The following NKD2 variants were observed in gnomAD, a reference collection of about 807,000 sequenced individuals.
NKD2 encodes the protein protein naked cuticle homolog 2.
NKD2 carries 43 observed loss-of-function variants against 34.8 expected under a neutral mutation model. The ratio of observed to expected loss-of-function variants is 1.24; its 90% CI spans 0.97 to 1.60. The LOEUF (loss-of-function observed/expected upper bound fraction) is 1.60. Ranked by LOEUF, NKD2 falls within the 40% of genes most tolerant of loss-of-function variation. NKD2 has a pLI of 0.00. For missense variants in NKD2, 675 were observed against 627.1 expected, an observed-to-expected ratio of 1.08 and a Z score of -0.82; for synonymous variants, 278 against 265.1, an observed-to-expected ratio of 1.05 and a Z score of -0.47.
In NKD2 at chr5:1,038,046, G is replaced by A; in HGVS notation, c.1029G>A (p.Val343=). ...SPKGSGKPPG[V]PASSKSGKAF... is the part of the protein sequence containing the mutation. ...AGGGCTCCGGGAAGCCGCCTGGGGT[G>A]CCAGCCAGCAGCAAGTCCGGGAAAG... The change falls in exon 10 of 10, where the codon GTG becomes GTA. Residue 343 remains valine (V), a synonymous_variant. Coordinates refer to ENST00000296849, the MANE Select transcript of NKD2 (RefSeq NM_033120.4). The surrounding 1 kb of genome is among the most constrained non-coding windows in gnomAD (Gnocchi z 4.5). The A allele has an allele frequency of 1.9e-6, 3 of 1,609,334 alleles. No homozygotes were observed. Among genetic ancestry groups the A allele is most frequent in the South Asian group, 1.1e-5 (1 of 90,922 alleles).
In NKD2 at chr5:1,034,165, T is replaced by C. The variant is rs368627687; in HGVS notation, c.331-70T>C. The C allele has an allele frequency of 5.5e-5, 62 of 1,127,596 alleles. No homozygotes were observed. The African/African-American group carries it at 8.2e-4, about 15-fold the overall frequency. 69.8% of individuals were successfully genotyped at this position (1,127,596 alleles called of 1,614,324 possible). A position where few individuals can be genotyped will look rare whatever the true frequency, so the allele number is the denominator to read the frequency against. On this transcript the variant is annotated intron_variant, in intron 5 of 9. Transcript: ENST00000296849. ...CCCTGGGAAAGGCCCCAGAAGATCC[T>C]TCCCCCTGTGGAGTTGGGCGTGTTG...
At chr5:1,033,245 C>A in intron 4 of NKD2, 127 bp from the exon 5 acceptor site, 1 of 926,598 alleles carries the variant, frequency 1.1e-6, no homozygotes, top group Non-Finnish European at 1.6e-6. Context: ...CAAGATCGGG[C>A]TCTCAGCTCA....
At position 1,017,180 on chromosome 5, in the gene NKD2, C is replaced by G. The variant is rs528723965; in HGVS notation, c.141+7620C>G. Reference sequence around the variant, plus strand: ...GCCCCTGGTGGCCTCCCTGCTGCCCCGGGGACGTGGGTAGCTTGGCTCTCT... The same window carrying G: ...GCCCCTGGTGGCCTCCCTGCTGCCCGGGGGACGTGGGTAGCTTGGCTCTCT... On this transcript the variant is annotated intron_variant, in intron 3 of 9. Transcript: ENST00000296849. Among the ~76,000 whole-genome samples the G allele has an allele frequency of 4.7e-4, 72 of 152,326 alleles. 1 individual carries two copies. In the South Asian group the frequency reaches 0.015, roughly 31 times the overall value.
rs558572719 is a variant in NKD2 at position 1,027,072 on chromosome 5, G to A, written c.142-5080G>A. Among the ~76,000 whole-genome samples, 22 of 152,362 alleles carry A rather than the reference G, an allele frequency of 1.4e-4. No individual in the cohort carries two copies. In the South Asian group the frequency reaches 4.6e-3, roughly 32 times the overall value. ...AGGACATGGGCCAGGCTGTCACCCCGGCCCTTCTTTCCAGCTCCTGGGGGC... is the reference window on the plus strand; with the variant it reads ...AGGACATGGGCCAGGCTGTCACCCCAGCCCTTCTTTCCAGCTCCTGGGGGC... On this transcript the variant is annotated intron_variant, in intron 3 of 9. Coordinates refer to ENST00000296849, the MANE Select transcript of NKD2 (RefSeq NM_033120.4).
chr5:1,038,197 T>C lies in NKD2; in HGVS notation c.1180T>C (p.Ser394Pro). 1 of 1,589,268 alleles carries C rather than the reference T, an allele frequency of 6.3e-7. No individual in the cohort carries two copies. The highest frequency in any genetic ancestry group is 8.5e-7 in the Non-Finnish European group (1 of 1,170,082). ...RYRQKGREGHSPLKAPHAQPA... is the reference protein window; with the variant it reads ...RYRQKGREGHPPLKAPHAQPA... Reference sequence around the variant, plus strand: ...CCGCCAAAAGGGCAGGGAGGGCCACTCGCCACTCAAGGCCCCACACGCTCA... The same window carrying C: ...CCGCCAAAAGGGCAGGGAGGGCCACCCGCCACTCAAGGCCCCACACGCTCA... Residue 394 changes from serine to proline, a missense_variant, in exon 10 of 10, where the codon TCG becomes CCG. Coordinates refer to ENST00000296849, the MANE Select transcript of NKD2 (RefSeq NM_033120.4). The surrounding 1 kb of genome is among the most constrained non-coding windows in gnomAD (Gnocchi z 4.5).
At chr5:1,015,678 G>T (rs913399103) in intron 3 of NKD2, among the ~76,000 whole-genome samples, 1 of 152,238 alleles carries the variant, frequency 6.6e-6, no homozygotes, top group Non-Finnish European at 1.5e-5. Context: ...TTTAGAGGCG[G>T]TCCTGCCCGC....
chr5:1,031,970 C>G (rs1338380085), intron 3 of NKD2, among the ~76,000 whole-genome samples, 182 bp from the exon 4 acceptor site: 2 of 152,206 alleles, frequency 1.3e-5, no homozygotes, highest in Admixed American at 1.3e-4. Context: ...GTGTGTTTTG[C>G]TTCCTAAAAT....
Position 1,035,380 on chromosome 5 carries a change from C to G in NKD2, c.575-9C>G, listed in dbSNP as rs759987303. 3.9e-5 allele frequency: 60 copies of G among 1,554,558 alleles called. No homozygotes were observed. In the East Asian group the frequency reaches 1.4e-3, roughly 36 times the overall value. ...GAGGGAGTGAGTAATGGCAGGACCC[C>G]CCTTTCAGACCGGGAGCCCACCCGT... On this transcript the variant is annotated splice_polypyrimidine_tract_variant and intron_variant, in intron 7 of 9. Transcript: ENST00000296849.
chr5:1,022,298 G>A (rs1756233645), intron 3 of NKD2, among the ~76,000 whole-genome samples: 1 of 95,216 alleles, frequency 1.1e-5, no homozygotes. Flanking sequence ...CACCCGCTGT[G>A]GGTGTCCCAG....
chr5:1,022,727 G>T lies in NKD2; in HGVS notation c.142-9425G>T, dbSNP rs1441056659. ...CCGCTAGTGGGTGTCCCAGCCCTTT[G>T]TCCCTGCTCTTCCCACCCTCTGTGG... On this transcript the variant is annotated intron_variant, in intron 3 of 9. Coordinates refer to ENST00000296849, the MANE Select transcript of NKD2 (RefSeq NM_033120.4). Among the ~76,000 whole-genome samples the T allele has an allele frequency of 2.8e-4, 2 of 7,228 alleles. 1 individual carries two copies. The highest frequency in any genetic ancestry group is 3.0e-4 in the African/African-American group (2 of 6,768). The allele number at this position is 7,228 out of a possible 152,430, so 4.7% of individuals were successfully genotyped here. A position where few individuals can be genotyped will look rare whatever the true frequency, so the allele number is the denominator to read the frequency against.
chr5:1,031,396 G>A (rs967444564), intron 3 of NKD2, among the ~76,000 whole-genome samples: 1 of 152,170 alleles, frequency 6.6e-6, no homozygotes, highest in Admixed American at 6.5e-5. Flanking sequence ...CTCCTTGTGG[G>A]CTTTCCACGG....
At chr5:1,021,425 C>A (rs1179449863) in intron 3 of NKD2, among the ~76,000 whole-genome samples, 2 of 143,406 alleles carry the variant, frequency 1.4e-5, no homozygotes, top group Non-Finnish European at 3.1e-5. Context: ...CCAGCCCCCC[C>A]CAGCCCCTCC....
chr5:1,009,380 G>A lies in NKD2; in HGVS notation c.62-101G>A, dbSNP rs935286449. The A allele has an allele frequency of 1.0e-5, 10 of 994,108 alleles. No homozygotes were observed. The Admixed American group carries it at 2.9e-4, about 29-fold the overall frequency. 61.6% of individuals were successfully genotyped at this position (994,108 alleles called of 1,614,324 possible). The stretch of plus-strand genomic sequence containing the variant: ...CACGCCTGCCCCTGCGCGGTCTCCA[G>A]GCGATGGGGACACAGCGAAGGCGCA... On this transcript the variant is annotated intron_variant, in intron 2 of 9. Coordinates refer to ENST00000296849, the MANE Select transcript of NKD2 (RefSeq NM_033120.4). The surrounding 1 kb of genome is among the most constrained non-coding windows in gnomAD (Gnocchi z 6.9).
intron 6 of NKD2, 85 bp from the exon 7 acceptor site, chr5:1,034,670 CG>C: frequency 7.5e-7 from 1 of 1,341,180 alleles, no homozygotes; most frequent in Non-Finnish European, 1.0e-6. Context: ...TAGGAAGGGG[CG>C]GGGGCTGGAT....
In NKD2 at chr5:1,038,037, G is replaced by T. The variant is rs369421348; in HGVS notation, c.1020G>T (p.Pro340=). The change falls in exon 10 of 10, where the codon CCG becomes CCT. Residue 340 remains proline, a synonymous_variant. Transcript: ENST00000296849. The surrounding 1 kb of genome is among the most constrained non-coding windows in gnomAD (Gnocchi z 4.5). The part of the protein sequence containing the change: ...FLKSPKGSGK[P]PGVPASSKSG... Reference sequence around the variant, plus strand: ...AGTCCCCCAAGGGCTCCGGGAAGCCGCCTGGGGTGCCAGCCAGCAGCAAGT... The same window carrying T: ...AGTCCCCCAAGGGCTCCGGGAAGCCTCCTGGGGTGCCAGCCAGCAGCAAGT... 5.0e-6 allele frequency: 8 copies of T among 1,609,034 alleles called. No individual in the cohort carries two copies. The highest frequency in any genetic ancestry group is 6.8e-6 in the Non-Finnish European group (8 of 1,179,130).
intron 3 of NKD2, among the ~76,000 whole-genome samples, chr5:1,027,225 G>A (rs979782098): frequency 1.3e-5 from 2 of 152,272 alleles, no homozygotes; most frequent in African/African-American, 4.8e-5. Context: ...CCACCACAGT[G>A]CAAGGTGGCC....
At position 1,035,435 on chromosome 5, in the gene NKD2, G is replaced by GCC; in HGVS notation, c.622_623dup (p.Arg209GlnfsTer220). 6.4e-7 allele frequency: 1 copy of GCC among 1,558,588 alleles called. No homozygotes were observed. Among genetic ancestry groups the GCC allele is most frequent in the Non-Finnish European group, 8.7e-7 (1 of 1,151,134 alleles). ...GGATGGAGGGTGAACTGGCAGAGGA[G>GCC]CCAAGGGTGGCTGACAGGAGGTTGT... On this transcript the variant is annotated frameshift_variant, in exon 8 of 10. Coordinates refer to ENST00000296849, the MANE Select transcript of NKD2 (RefSeq NM_033120.4). LOFTEE classifies it high-confidence loss of function.
In NKD2 at chr5:1,009,467, C is replaced by A. The variant is rs767358048; in HGVS notation, c.62-14C>A. 2 of 1,493,374 alleles carry A rather than the reference C, an allele frequency of 1.3e-6. No individual in the cohort carries two copies. The highest frequency in any genetic ancestry group is 2.9e-5 in the African/African-American group (2 of 68,544). 92.5% of individuals were successfully genotyped at this position (1,493,374 alleles called of 1,614,324 possible). On this transcript the variant is annotated splice_polypyrimidine_tract_variant and intron_variant, in intron 2 of 9. Transcript: ENST00000296849. This position sits in a 1 kb window ranked among gnomAD's most constrained non-coding sequence, Gnocchi z 6.9. ...TCGGTGCGGGTTTCCCGCGCGTCCG[C>A]CCCCGGACCGCAGGGGACAGCTTCG...
intron 7 of NKD2, 138 bp from the exon 8 acceptor site, chr5:1,035,247 CAAGT>C (rs552540076): frequency 6.0e-5 from 43 of 714,352 alleles, no homozygotes; most frequent in Middle Eastern, 2.7e-4. Context: ...AATGAGTGAA[CAAGT>C]GAGTGAGTTA....
Sources: allele counts gnomAD v4.1 joint callset (sites outside exome capture counted in the v4.1 genomes callset), GRCh38; gene constraint gnomAD v4.1.1; non-coding constraint Gnocchi (gnomAD v3.1); transcripts MANE v1.5; gene names NCBI Gene and HGNC (gene_info 2026-07-23, HGNC 2026-07-21).